Variants in SORCS1 observed in about 807,000 individuals in gnomAD.
The protein encoded by SORCS1 is sortilin related VPS10 domain containing receptor 1.
In SORCS1, 60 loss-of-function variants were observed where a neutral mutation model predicts 146.1. The ratio of observed to expected loss-of-function variants is 0.41; its 90% CI spans 0.33 to 0.51. The LOEUF (loss-of-function observed/expected upper bound fraction) is 0.51, where lower values mean the gene tolerates loss of function less well. Among genes scored for constraint, SORCS1 ranks in the 20% least tolerant of loss-of-function variants. The pLI is 0.21. For missense variants in SORCS1, 1,352 were observed against 1,487.6 expected (o/e 0.91, Z 1.50); for synonymous variants, 637 against 584.0 (o/e 1.09, Z -1.31).
In SORCS1 at chr10:106,810,998, C is replaced by T. The variant is rs528694011; in HGVS notation, c.726+18576G>A. ...CTCTGTCGCCCAGGCTGGAGTGCAG[C>T]GGTGCATTCTTGGCTCACTGCAACC... On this transcript the variant is annotated intron_variant, in intron 3 of 25. Coordinates refer to ENST00000263054, the MANE Select transcript of SORCS1 (RefSeq NM_052918.5). 1.1e-4 allele frequency among the ~76,000 whole-genome samples: 17 copies of T among 150,560 alleles called. No homozygotes were observed. The East Asian group carries it at 1.8e-3, about 16-fold the overall frequency.
chr10:107,171,228 A>G, the SORCS1 span, among the ~76,000 whole-genome samples: 1 of 152,214 alleles, frequency 6.6e-6, no homozygotes, highest in African/African-American at 2.4e-5. Context: ...AACACAATTT[A>G]AAGACCACCA....
At chr10:106,713,250 C>T (rs1330414879) in intron 6 of SORCS1, among the ~76,000 whole-genome samples, 1 of 152,200 alleles carries the variant, frequency 6.6e-6, no homozygotes, top group Non-Finnish European at 1.5e-5. Context: ...GCCCCAACCT[C>T]TGTGCTTCTT....
intron 1 of SORCS1, among the ~76,000 whole-genome samples, chr10:107,140,530 C>T (rs1347446679): frequency 6.6e-6 from 1 of 152,134 alleles, no homozygotes; most frequent in Non-Finnish European, 1.5e-5. Flanking sequence ...ACTGTGAATG[C>T]CTATAATGTT....
At chr10:106,928,435 G>A (rs1352669328) in intron 2 of SORCS1, among the ~76,000 whole-genome samples, 1 of 152,222 alleles carries the variant, frequency 6.6e-6, no homozygotes, top group African/African-American at 2.4e-5. Context: ...CAGCTGGCCC[G>A]CAAGCGCCGA....
chr10:106,836,993 T>G (rs74152246), intron 2 of SORCS1, among the ~76,000 whole-genome samples: 2,548 of 152,316 alleles, frequency 0.017, 57 homozygotes, highest in African/African-American at 0.057. Flanking sequence ...CCTACATGTA[T>G]TAGTTGGACT....
chr10:107,007,026 C>T (rs1384945733), intron 1 of SORCS1, among the ~76,000 whole-genome samples: 2 of 152,284 alleles, frequency 1.3e-5, no homozygotes, highest in South Asian at 2.1e-4. Flanking sequence ...CTCCATGTCC[C>T]GACTAGACCT....
At chr10:107,027,639 C>G (rs1958468755) in intron 1 of SORCS1, among the ~76,000 whole-genome samples, 1 of 152,126 alleles carries the variant, frequency 6.6e-6, no homozygotes, top group Non-Finnish European at 1.5e-5. Flanking sequence ...CCATGGAAAA[C>G]CACACTCTGG....
intron 1 of SORCS1, among the ~76,000 whole-genome samples, chr10:106,968,325 G>T (rs901784560): frequency 2.6e-5 from 4 of 152,258 alleles, no homozygotes; most frequent in African/African-American, 9.6e-5. Context: ...TCCCTGATGT[G>T]ATGATCTGAG....
At chr10:106,664,080 T>G (rs550298713) in intron 17 of SORCS1, among the ~76,000 whole-genome samples, 1 of 152,282 alleles carries the variant, frequency 6.6e-6, no homozygotes, top group East Asian at 1.9e-4. Flanking sequence ...CAAAAATCAT[T>G]TGGGGTCAGA....
chr10:106,737,030 C>T (rs1856995992), intron 5 of SORCS1, among the ~76,000 whole-genome samples: 1 of 150,128 alleles, frequency 6.7e-6, no homozygotes, highest in African/African-American at 2.5e-5. Context: ...ATGATGTCTG[C>T]AGCAAAGTGT....
intron 1 of SORCS1, among the ~76,000 whole-genome samples, chr10:107,103,972 T>C (rs1354244162): frequency 2.0e-5 from 3 of 152,250 alleles, no homozygotes; most frequent in Non-Finnish European, 4.4e-5. Context: ...ATTGCACTCA[T>C]GGTTTTTCTT....
At chr10:107,079,363 G>C (rs1429989087) in intron 1 of SORCS1, among the ~76,000 whole-genome samples, 2 of 152,140 alleles carry the variant, frequency 1.3e-5, no homozygotes, top group Non-Finnish European at 1.5e-5. Context: ...CTGGAATTAG[G>C]CCATTATTGT....
At chr10:106,869,703 G>T (rs567939924) in intron 2 of SORCS1, among the ~76,000 whole-genome samples, 1 of 152,130 alleles carries the variant, frequency 6.6e-6, no homozygotes, top group South Asian at 2.1e-4. Flanking sequence ...AAAATAATAG[G>T]AGCTATATAT....
At position 106,709,273 on chromosome 10, in the gene SORCS1, A is replaced by G. The variant is rs774796830; in HGVS notation, c.1093T>C (p.Tyr365His). The G allele has an allele frequency of 6.2e-7, 1 of 1,613,950 alleles. No homozygotes were observed. The highest frequency in any genetic ancestry group is 1.7e-5 in the Admixed American group (1 of 59,992). The change falls in exon 7 of 26, where the codon TAC becomes CAC. Residue 365 changes from tyrosine (Y) to histidine (H), a missense_variant. Coordinates refer to ENST00000263054, the MANE Select transcript of SORCS1 (RefSeq NM_052918.5). ...ACAATCAAAGAGTCTGGGTCAATGT[A>G]GCCTGGAAAAGGCTGATTCCTGTTG... is the stretch of plus-strand genomic sequence containing the variant. ...EANRNQPFPGYIDPDSLIVQD... is the reference protein window; with the variant it reads ...EANRNQPFPGHIDPDSLIVQD...
At chr10:107,072,803 C>G (rs1962554140) in intron 1 of SORCS1, among the ~76,000 whole-genome samples, 1 of 150,798 alleles carries the variant, frequency 6.6e-6, no homozygotes, top group Non-Finnish European at 1.5e-5. Flanking sequence ...AATAATTGCC[C>G]AGAAACTAAA....
At chr10:106,895,072 G>A (rs559973671) in intron 2 of SORCS1, among the ~76,000 whole-genome samples, 2 of 152,206 alleles carry the variant, frequency 1.3e-5, no homozygotes, top group Admixed American at 6.5e-5. Context: ...CTTTCATACT[G>A]TACTCACCCT....
At chr10:107,084,540 G>C (rs1436073965) in intron 1 of SORCS1, among the ~76,000 whole-genome samples, 1 of 152,000 alleles carries the variant, frequency 6.6e-6, no homozygotes, top group Non-Finnish European at 1.5e-5. Flanking sequence ...AGAGGGGAGA[G>C]AGAAGAGAGA....
At chr10:107,028,774 A>T (rs1223417605) in intron 1 of SORCS1, among the ~76,000 whole-genome samples, 1 of 152,144 alleles carries the variant, frequency 6.6e-6, no homozygotes, top group Non-Finnish European at 1.5e-5. Flanking sequence ...TCTGTAAGCA[A>T]TTCAGTCTCT....
At chr10:107,092,657 C>A (rs144994641) in intron 1 of SORCS1, among the ~76,000 whole-genome samples, 10 of 152,232 alleles carry the variant, frequency 6.6e-5, no homozygotes, top group East Asian at 3.9e-4. Context: ...AACTAAGCAA[C>A]CTGCTGTGAG....
Sources: gnomAD v4.1 joint callset for allele counts (sites outside exome capture counted in the v4.1 genomes callset) on GRCh38, gnomAD v4.1.1 for gene constraint, MANE v1.5 for transcripts, NCBI Gene and HGNC (gene_info 2026-07-23, HGNC 2026-07-21) for gene names.